Variants in BCAR3 observed in about 807,000 individuals in gnomAD.
The protein encoded by BCAR3 is BCAR3 adaptor protein, NSP family member.
In BCAR3, 37 loss-of-function variants were observed where a neutral mutation model predicts 80.1. That is an observed-to-expected ratio of 0.46 (90% confidence interval 0.36 to 0.61). The LOEUF (loss-of-function observed/expected upper bound fraction) is 0.61, where lower values mean the gene tolerates loss of function less well. Ranked by LOEUF, BCAR3 falls within the 20% of genes least tolerant of loss-of-function variation. BCAR3 has a pLI of 0.00. For synonymous variants in BCAR3, 389 were observed against 418.9 expected, an observed-to-expected ratio of 0.93 and a Z score of 0.87; for missense variants, 978 against 1,068.2, an observed-to-expected ratio of 0.92 and a Z score of 1.18.
chr1:93,778,223 G>C (rs1163581857), intron 2 of BCAR3, among the ~76,000 whole-genome samples: 1 of 152,164 alleles, frequency 6.6e-6, no homozygotes, highest in Non-Finnish European at 1.5e-5. Flanking sequence ...TAGGGGCATG[G>C]ACTGCATTTG....
At chr1:93,683,169 C>T (rs1648861260), upstream of BCAR3, among the ~76,000 whole-genome samples, 1 of 152,178 alleles carries the variant, frequency 6.6e-6, no homozygotes, top group South Asian at 2.1e-4. Context: ...CAATTAAAAA[C>T]AGGCAGAATA....
In BCAR3 at chr1:93,671,467, C is replaced by T. The variant is rs150952540; in HGVS notation, c.317+3147G>A. On this transcript the variant is annotated intron_variant, in intron 2 of 11. Transcript: ENST00000260502. ...GGCCCACTATCTTCATGCCAATACC[C>T]GTCAGGCCAATACCCAACATGATGA... Among the ~76,000 whole-genome samples, 84 of 152,248 alleles carry T rather than the reference C, an allele frequency of 5.5e-4. 1 individual carries two copies. The East Asian group carries it at 0.014, about 26-fold the overall frequency.
At chr1:93,667,572 A>G (rs1276880768) in intron 2 of BCAR3, among the ~76,000 whole-genome samples, 1 of 152,238 alleles carries the variant, frequency 6.6e-6, no homozygotes, top group Non-Finnish European at 1.5e-5. Flanking sequence ...TTATACTCAC[A>G]GGCAAACTGG....
intron 5 of BCAR3, among the ~76,000 whole-genome samples, chr1:93,585,576 A>G (rs999482957): frequency 2.0e-5 from 3 of 152,170 alleles, no homozygotes; most frequent in African/African-American, 4.8e-5. Flanking sequence ...TGTGCATGAC[A>G]TTAATTCCCT....
At chr1:93,820,711 A>G (rs1654184300) in intron 2 of BCAR3, among the ~76,000 whole-genome samples, 1 of 152,160 alleles carries the variant, frequency 6.6e-6, no homozygotes, top group African/African-American at 2.4e-5. Flanking sequence ...TCCGTTACAT[A>G]GGCATGATTG....
intron 3 of BCAR3, among the ~76,000 whole-genome samples, chr1:93,641,286 G>A (rs1675970308): frequency 1.3e-5 from 2 of 152,206 alleles, no homozygotes; most frequent in African/African-American, 2.4e-5. Flanking sequence ...GGGAGGAAAT[G>A]GCAGAACTCT....
intron 2 of BCAR3, among the ~76,000 whole-genome samples, chr1:93,710,138 G>T (rs1331716416): frequency 6.6e-6 from 1 of 152,132 alleles, no homozygotes; most frequent in Non-Finnish European, 1.5e-5. Flanking sequence ...ACTCACTCCC[G>T]GTGGATAGGG....
At chr1:93,811,672 G>A (rs2100804766) in intron 2 of BCAR3, among the ~76,000 whole-genome samples, 1 of 152,256 alleles carries the variant, frequency 6.6e-6, no homozygotes, top group Middle Eastern at 3.4e-3. Flanking sequence ...AAGTCACCTG[G>A]CCTGTGAGCT....
intron 2 of BCAR3, among the ~76,000 whole-genome samples, chr1:93,816,092 C>G (rs1031696336): frequency 1.3e-5 from 2 of 152,160 alleles, no homozygotes; most frequent in African/African-American, 4.8e-5. Flanking sequence ...GAAAACTATA[C>G]TAGAAAATTC....
At position 93,674,725 on chromosome 1, in the gene BCAR3, T is replaced by C. The variant is rs1648389599; in HGVS notation, c.206A>G (p.His69Arg). Residue 69 changes from histidine to arginine, a missense_variant, in exon 2 of 12, where the codon CAC becomes CGC. Physicochemically the swap from His to Arg is conservative, Grantham distance 29. Coordinates refer to ENST00000260502, the MANE Select transcript of BCAR3 (RefSeq NM_003567.4). Reference protein sequence around the residue: ...PPIRSCDDFSHMGTLPHSKSP... With the variant: ...PPIRSCDDFSRMGTLPHSKSP... ...TTTGGAGTGGGGGAGGGTGCCCATG[T>C]GACTGAAGTCATCACAGGACCTTAT... 7 of 1,613,918 alleles carry C rather than the reference T, an allele frequency of 4.3e-6. No individual in the cohort carries two copies. The South Asian group carries it at 5.5e-5, about 13-fold the overall frequency.
intron 3 of BCAR3, among the ~76,000 whole-genome samples, chr1:93,687,033 C>T (rs755908411): frequency 3.3e-5 from 5 of 152,166 alleles, no homozygotes; most frequent in Admixed American, 1.3e-4. Flanking sequence ...TATTCATTTC[C>T]GTTATTGCTG....
chr1:93,742,516 G>C (rs72965451), intron 2 of BCAR3, among the ~76,000 whole-genome samples: 12,938 of 152,198 alleles, frequency 0.085, 1,079 homozygotes, highest in African/African-American at 0.21. Flanking sequence ...CCCTGGAAAC[G>C]TTCTCTCCGT....
At position 93,582,905 on chromosome 1, in the gene BCAR3, G is replaced by C. The variant is rs767740925; in HGVS notation, c.1082C>G (p.Pro361Arg). The C allele has an allele frequency of 8.7e-6, 14 of 1,606,088 alleles. No homozygotes were observed. The Admixed American group carries it at 2.3e-4, about 27-fold the overall frequency. ...TCCCGTCCTGAACACAGGTGAGTTT[G>C]GGCAGGGGCTTGTGTCCACACCCGA... ...QSSGVDTSPC[P>R]NSPVFRTGSE... The change falls in exon 7 of 12, where the codon CCA becomes CGA. Residue 361 changes from proline (P) to arginine (R), a missense_variant. By Grantham distance (103) the Pro-to-Arg change is moderately radical. Transcript: ENST00000260502.
chr1:93,689,082 C>T (rs1649076261), intron 3 of BCAR3, among the ~76,000 whole-genome samples: 1 of 152,204 alleles, frequency 6.6e-6, no homozygotes, highest in African/African-American at 2.4e-5. Flanking sequence ...AAAGTGATCA[C>T]ATTACCAGGA....
intron 3 of BCAR3, among the ~76,000 whole-genome samples, chr1:93,605,862 T>C (rs1247203284): frequency 6.6e-6 from 1 of 152,154 alleles, no homozygotes; most frequent in Non-Finnish European, 1.5e-5. Flanking sequence ...AAAGATGTAA[T>C]TGGAAGGAAA....
intron 2 of BCAR3, among the ~76,000 whole-genome samples, chr1:93,806,059 A>C (rs1653644404): frequency 6.6e-6 from 1 of 152,182 alleles, no homozygotes; most frequent in South Asian, 2.1e-4. Flanking sequence ...AAAAAGATAA[A>C]AGTTCTAAAG....
At chr1:93,702,179 T>C (rs1891138) in intron 3 of BCAR3, among the ~76,000 whole-genome samples, 29,526 of 152,082 alleles carry the variant, frequency 0.19, 3,990 homozygotes, top group African/African-American at 0.38. Context: ...CAGCACGCCA[T>C]TGCAGCAGGC....
At chr1:93,787,487 C>G (rs1240450168) in intron 2 of BCAR3, among the ~76,000 whole-genome samples, 1 of 152,130 alleles carries the variant, frequency 6.6e-6, no homozygotes, top group Non-Finnish European at 1.5e-5. Context: ...TTTGCTGTTT[C>G]CCAAAGGTTT....
intron 2 of BCAR3, among the ~76,000 whole-genome samples, chr1:93,714,696 C>G (rs1258574399): frequency 1.3e-5 from 2 of 151,964 alleles, no homozygotes; most frequent in African/African-American, 2.4e-5. Context: ...ACAACTAAGA[C>G]CGCCTTTCTT....
Sources: gnomAD v4.1 joint callset for allele counts (sites outside exome capture counted in the v4.1 genomes callset) on GRCh38, gnomAD v4.1.1 for gene constraint, MANE v1.5 for transcripts, NCBI Gene and HGNC (gene_info 2026-07-23, HGNC 2026-07-21) for gene names.